The following CASP9 variants were observed in gnomAD, a reference collection of about 807,000 sequenced individuals.
CASP9 encodes caspase-9.
Under a neutral mutation model 43.5 loss-of-function variants are expected in CASP9, and 29 were observed. That is an observed-to-expected ratio of 0.67 (90% confidence interval 0.50 to 0.91). The LOEUF (loss-of-function observed/expected upper bound fraction) is 0.91. Among genes scored for constraint, CASP9 ranks in the 40% least tolerant of loss-of-function variants. The probability of loss-of-function intolerance (pLI) is 0.00; values close to 1 mark genes in which losing one functional copy is unlikely to be tolerated. For missense variants in CASP9, 575 were observed against 537.4 expected (o/e 1.07, Z -0.69); for synonymous variants, 206 against 211.9 (o/e 0.97, Z 0.24).
At chr1:15,500,131 A>G (rs895123170) in intron 6 of CASP9, among the ~76,000 whole-genome samples, 1 of 151,648 alleles carries the variant, frequency 6.6e-6, no homozygotes, top group Non-Finnish European at 1.5e-5. Flanking sequence ...TAAAAAATAT[A>G]AATATATATT....
intron 1 of CASP9, among the ~76,000 whole-genome samples, chr1:15,518,874 G>GTTTTTT (rs67264894): frequency 6.7e-6 from 1 of 148,718 alleles, no homozygotes. Context: ...TTTTGTTTTT[G>GTTTTTT]TTTTTTTTTT....
chr1:15,497,655 A>T (rs200947313), intron 6 of CASP9, among the ~76,000 whole-genome samples: 19,196 of 145,864 alleles, frequency 0.13, 1,316 homozygotes, highest in Middle Eastern at 0.17. Context: ...AAAAAAAAAA[A>T]AAAGATATAA....
chr1:15,493,916 T>G lies in CASP9; in HGVS notation c.1134A>C (p.Glu378Asp), dbSNP rs1261368750. 6.2e-7 allele frequency: 1 copy of G among 1,601,118 alleles called. No individual in the cohort carries two copies. The highest frequency in any genetic ancestry group is 8.5e-7 in the Non-Finnish European group (1 of 1,173,200). ...DDIFEQWAHS[E>D]DLQSLLLRVA... is the part of the protein sequence containing the mutation. ...CCCTAAGCAGGAGGGACTGCAGGTC[T>G]TCAGAGTGAGCCCACTGCTCAAAGA... The change falls in exon 8 of 9, where the codon GAA becomes GAC. Residue 378 changes from glutamate to aspartate, a missense_variant. By Grantham distance (45) the Glu-to-Asp change is conservative. Transcript: ENST00000333868.
At chr1:15,506,374 T>G (rs1382847991) in intron 4 of CASP9, among the ~76,000 whole-genome samples, 3 of 151,980 alleles carry the variant, frequency 2.0e-5, no homozygotes, top group Admixed American at 1.3e-4. Flanking sequence ...GAGAATTGCT[T>G]GAACCTGGGA....
Position 15,493,751 on chromosome 1 carries a change from C to G in CASP9, c.1158+141G>C, listed in dbSNP as rs765233107. 5.8e-5 allele frequency: 88 copies of G among 1,524,934 alleles called. 1 individual carries two copies. The South Asian group carries it at 9.6e-4, about 17-fold the overall frequency. The allele number at this position is 1,524,934 out of a possible 1,614,324, so 94.5% of individuals were successfully genotyped here. On this transcript the variant is annotated intron_variant, in intron 8 of 8. Transcript: ENST00000333868. ...TCATAAAGAGACACAAAAGTGCCGA[C>G]TCCAAGGCTCAGAGGCAGGAGTCTA...
At chr1:15,499,085 C>A (rs765076702) in intron 6 of CASP9, among the ~76,000 whole-genome samples, 10 of 152,148 alleles carry the variant, frequency 6.6e-5, no homozygotes, top group Non-Finnish European at 1.5e-4. Flanking sequence ...AATGCGCAGG[C>A]CACCTCTAGC....
intron 2 of CASP9, among the ~76,000 whole-genome samples, chr1:15,509,292 C>T (rs146833503): frequency 1.0e-3 from 153 of 152,082 alleles, no homozygotes; most frequent in African/African-American, 3.6e-3. Flanking sequence ...CGAGTGACAC[C>T]GCTTCACTGA....
upstream of CASP9, chr1:15,524,519 G>GCCCCGCTCCAGAATCCACCACTGCGT: frequency 2.8e-6 from 1 of 352,658 alleles, no homozygotes; most frequent in East Asian, 2.1e-4. Context: ...CCACGTCACC[G>GCCCCGCTCCAGAATCCACCACTGCGT]CCCCGCTCCA....
chr1:15,516,399 T>C (rs1709949770), intron 2 of CASP9, among the ~76,000 whole-genome samples: 1 of 151,652 alleles, frequency 6.6e-6, no homozygotes. Flanking sequence ...GAGGATCGCT[T>C]GAGCCTGGGA....
chr1:15,522,905 T>C (rs990198878), intron 1 of CASP9, among the ~76,000 whole-genome samples: 17 of 152,230 alleles, frequency 1.1e-4, no homozygotes, highest in African/African-American at 3.6e-4. Flanking sequence ...TGTTCCCCAG[T>C]AGGGGCCACA....
chr1:15,492,757 A>C lies in CASP9; in HGVS notation c.*186T>G, dbSNP rs1708937489. 6.6e-6 allele frequency: 5 copies of C among 753,880 alleles called. No individual in the cohort carries two copies. Among genetic ancestry groups the C allele is most frequent in the East Asian group, 2.6e-5 (1 of 38,172 alleles). 46.7% of individuals were successfully genotyped at this position (753,880 alleles called of 1,614,324 possible). ...GGCATTCATCTGTCCCTCTTCCTCC[A>C]CTGTTCAGCACTTGTCGTCAATCTG... On this transcript the variant is annotated 3_prime_UTR_variant, in exon 9 of 9. Coordinates refer to ENST00000333868, the MANE Select transcript of CASP9 (RefSeq NM_001229.5).
intron 2 of CASP9, 28 bp from the exon 3 acceptor site, chr1:15,507,935 T>C: frequency 1.9e-6 from 3 of 1,613,556 alleles, no homozygotes; most frequent in Non-Finnish European, 2.5e-6. Context: ...GAGAGAAACA[T>C]GAATGTTGGG....
At chr1:15,502,644 C>T (rs925107454) in intron 6 of CASP9, among the ~76,000 whole-genome samples, 1 of 152,098 alleles carries the variant, frequency 6.6e-6, no homozygotes, top group Non-Finnish European at 1.5e-5. Flanking sequence ...CTACTGAGTC[C>T]TAAGAGTGAC....
At chr1:15,494,284 G>T (rs904708047) in intron 7 of CASP9, among the ~76,000 whole-genome samples, 1 of 152,196 alleles carries the variant, frequency 6.6e-6, no homozygotes, top group Non-Finnish European at 1.5e-5. Context: ...GAAGGAAACT[G>T]CCAGGCACAG....
upstream of CASP9, chr1:15,524,302 C>A (rs1477459257): frequency 1.2e-5 from 17 of 1,458,288 alleles, no homozygotes; most frequent in South Asian, 1.5e-4. Flanking sequence ...GGCCTGCCCC[C>A]GCGTCACGGC....
intron 1 of CASP9, among the ~76,000 whole-genome samples, chr1:15,520,865 G>T (rs897958600): frequency 6.6e-6 from 1 of 151,826 alleles, no homozygotes; most frequent in Non-Finnish European, 1.5e-5. Flanking sequence ...AGGCAGAACA[G>T]CTTGAACCCT....
intron 8 of CASP9, chr1:15,493,368 A>G: frequency 8.1e-7 from 1 of 1,233,576 alleles, no homozygotes; most frequent in Non-Finnish European, 1.0e-6. Context: ...GGCAGCCACA[A>G]GGCCACAGGA....
chr1:15,501,912 T>C (rs1285757324), intron 6 of CASP9, among the ~76,000 whole-genome samples: 1 of 152,086 alleles, frequency 6.6e-6, no homozygotes, highest in South Asian at 2.1e-4. Context: ...GCTGGGACCA[T>C]AGGCACACAC....
At chr1:15,518,478 G>T in intron 1 of CASP9, 83 bp from the exon 2 acceptor site, 1 of 1,460,352 alleles carries the variant, frequency 6.8e-7, no homozygotes, top group Non-Finnish European at 9.3e-7. Flanking sequence ...CCCAGCTACT[G>T]TAAGTCTAAA....
Sources: allele counts gnomAD v4.1 joint callset (sites outside exome capture counted in the v4.1 genomes callset), GRCh38; gene constraint gnomAD v4.1.1; transcripts MANE v1.5; gene names NCBI Gene and HGNC (gene_info 2026-07-23, HGNC 2026-07-21).